Variants in TXNRD1 observed in about 807,000 individuals in gnomAD.
The protein encoded by TXNRD1 is thioredoxin reductase 1.
A neutral mutation model predicts 80.3 loss-of-function variants in TXNRD1; 57 were observed. That is an observed-to-expected ratio of 0.71 (90% CI 0.57 to 0.89). The LOEUF is 0.89. Ranked by LOEUF, TXNRD1 falls within the 40% of genes least tolerant of loss-of-function variation. The pLI is 0.00. For synonymous variants in TXNRD1, 291 were observed against 285.2 expected (o/e 1.02, Z -0.20); for missense variants, 730 against 803.0 (o/e 0.91, Z 1.10).
Position 104,327,658 on chromosome 12 carries a change from G to T in TXNRD1, c.1529G>T (p.Gly510Val). ...GRLLAQRLYA[G>V]STVKCDYENV... The stretch of plus-strand genomic sequence containing the variant: ...TTGCTGGCTCAGAGGCTCTATGCAG[G>T]TTCCACTGTCAAGGTGAGTGTTGTG... The change falls in exon 13 of 17, where the codon GGT (glycine) becomes GTT (valine). Residue 510 changes from glycine to valine, a missense_variant. Coordinates refer to ENST00000525566, the MANE Select transcript of TXNRD1 (RefSeq NM_001093771.3). 1 of 1,613,560 alleles carries T rather than the reference G, an allele frequency of 6.2e-7. No homozygotes were observed. Among genetic ancestry groups the T allele is most frequent in the Non-Finnish European group, 8.5e-7 (1 of 1,179,816 alleles).
intron 4 of TXNRD1, among the ~76,000 whole-genome samples, chr12:104,294,410 C>G (rs1361044248): frequency 6.6e-6 from 1 of 152,038 alleles, no homozygotes; most frequent in Non-Finnish European, 1.5e-5. Flanking sequence ...AGAAGGCTCG[C>G]ACTCTTGTCT....
intron 3 of TXNRD1, chr12:104,287,458 G>C (rs757717685): frequency 6.2e-7 from 1 of 1,611,658 alleles, no homozygotes; most frequent in Non-Finnish European, 8.5e-7. Context: ...TACAGAGTCC[G>C]AGTCTTGAAA....
At chr12:104,333,329 ATTTGC>A (rs1434136287) in intron 14 of TXNRD1, among the ~76,000 whole-genome samples, 1 of 152,028 alleles carries the variant, frequency 6.6e-6, no homozygotes, top group Non-Finnish European at 1.5e-5. Context: ...GTTTTTTAAA[ATTTGC>A]TTTGTTATTA....
intron 10 of TXNRD1, among the ~76,000 whole-genome samples, chr12:104,323,810 A>AC (rs138772043): frequency 0.53 from 63,911 of 121,386 alleles, 14,861 homozygotes; most frequent in South Asian, 0.6. Context: ...GGGGGGGCTG[A>AC]CCCCCCCCCA....
intron 2 of TXNRD1, among the ~76,000 whole-genome samples, chr12:104,252,304 G>A (rs1300697847): frequency 6.6e-6 from 1 of 151,898 alleles, no homozygotes; most frequent in Non-Finnish European, 1.5e-5. Context: ...TGGTTACTTA[G>A]GGTACTACCA....
intron 1 of TXNRD1, among the ~76,000 whole-genome samples, chr12:104,237,115 A>C (rs2032756901): frequency 6.6e-6 from 1 of 152,218 alleles, no homozygotes; most frequent in African/African-American, 2.4e-5. Flanking sequence ...AAAAGCAGAT[A>C]GTTCCCTCAA....
intron 1 of TXNRD1, among the ~76,000 whole-genome samples, chr12:104,248,081 C>T (rs1167280960): frequency 6.6e-6 from 1 of 152,098 alleles, no homozygotes; most frequent in African/African-American, 2.4e-5. Context: ...AAATGGAGAA[C>T]AGAAAATGAG....
chr12:104,304,029 C>G, intron 4 of TXNRD1: 2 of 1,613,100 alleles, frequency 1.2e-6, no homozygotes, highest in Non-Finnish European at 1.7e-6. Context: ...GAGCTCACCG[C>G]TGACGAGGAG....
At chr12:104,228,473 A>T (rs952557937) in intron 1 of TXNRD1, among the ~76,000 whole-genome samples, 2 of 151,570 alleles carry the variant, frequency 1.3e-5, no homozygotes, top group African/African-American at 2.4e-5. Context: ...CTCTACTAAA[A>T]ATACAAAATT....
chr12:104,315,004 A>G (rs2035274303), intron 6 of TXNRD1, among the ~76,000 whole-genome samples: 1 of 152,188 alleles, frequency 6.6e-6, no homozygotes, highest in African/African-American at 2.4e-5. Context: ...CGGCCTCCCA[A>G]AGTGCTGGGA....
At chr12:104,304,448 T>C in intron 4 of TXNRD1, 1 of 1,614,018 alleles carries the variant, frequency 6.2e-7, no homozygotes, top group South Asian at 1.1e-5. Flanking sequence ...CCATTTTGTT[T>C]TTGGTTCATT....
At position 104,319,711 on chromosome 12, in the gene TXNRD1, C is replaced by T. The variant is rs1229017477; in HGVS notation, c.989+126C>T. On this transcript the variant is annotated intron_variant, in intron 9 of 16. Coordinates refer to ENST00000525566, the MANE Select transcript of TXNRD1 (RefSeq NM_001093771.3). Reference sequence around the variant, plus strand: ...ATTTCTTTGCCACATTGTGCCCTCTCTGGGGGCAGGGGTTTGGGAGAAAGA... The same window carrying T: ...ATTTCTTTGCCACATTGTGCCCTCTTTGGGGGCAGGGGTTTGGGAGAAAGA... 3 of 702,420 alleles carry T rather than the reference C, an allele frequency of 4.3e-6. No individual in the cohort carries two copies. The African/African-American group carries it at 5.5e-5, about 13-fold the overall frequency. The allele number at this position is 702,420 out of a possible 1,614,324, so 43.5% of individuals were successfully genotyped here. A position where few individuals can be genotyped will look rare whatever the true frequency, so the allele number is the denominator to read the frequency against.
intron 3 of TXNRD1, among the ~76,000 whole-genome samples, chr12:104,268,397 C>T (rs1252035483): frequency 1.3e-5 from 2 of 150,804 alleles, no homozygotes; most frequent in South Asian, 2.1e-4. Context: ...TGGTGGCAGG[C>T]GCCTGTAGTC....
chr12:104,283,814 G>A (rs1056336712), intron 3 of TXNRD1, among the ~76,000 whole-genome samples: 14 of 152,096 alleles, frequency 9.2e-5, no homozygotes, highest in African/African-American at 3.4e-4. Context: ...AGGCTGCGGT[G>A]AGCCGAGATA....
intron 10 of TXNRD1, 31 bp from the exon 11 acceptor site, chr12:104,325,302 CTTTA>C: frequency 6.6e-7 from 1 of 1,519,024 alleles, no homozygotes; most frequent in Non-Finnish European, 9.1e-7. Context: ...TGATAAATGT[CTTTA>C]TTTCACAGTA....
At chr12:104,295,460 A>T (rs2034404996) in intron 4 of TXNRD1, among the ~76,000 whole-genome samples, 1 of 152,130 alleles carries the variant, frequency 6.6e-6, no homozygotes, top group Non-Finnish European at 1.5e-5. Flanking sequence ...CTGGCCCCAG[A>T]TCTGCATCCA....
intron 3 of TXNRD1, among the ~76,000 whole-genome samples, chr12:104,267,286 C>T (rs867594459): frequency 3.9e-4 from 1 of 2,558 alleles, no homozygotes; most frequent in African/African-American, 1.8e-3. Flanking sequence ...TTTCTTTCCT[C>T]TTTCTGTCTG....
At chr12:104,228,418 G>A (rs367707037) in intron 1 of TXNRD1, among the ~76,000 whole-genome samples, 24 of 152,104 alleles carry the variant, frequency 1.6e-4, no homozygotes, top group African/African-American at 5.8e-4. Context: ...GATCACCTGA[G>A]GTTGGGAGTT....
At chr12:104,235,478 C>T (rs896913863) in intron 1 of TXNRD1, among the ~76,000 whole-genome samples, 7 of 152,142 alleles carry the variant, frequency 4.6e-5, no homozygotes, top group African/African-American at 1.4e-4. Context: ...CTGTTTCCAG[C>T]AAAGGGAACC....
Sources: gnomAD v4.1 joint callset for allele counts (sites outside exome capture counted in the v4.1 genomes callset) on GRCh38, gnomAD v4.1.1 for gene constraint, MANE v1.5 for transcripts, NCBI Gene and HGNC (gene_info 2026-07-23, HGNC 2026-07-21) for gene names.